NAA50: variants seen among roughly 807,000 people sequenced by gnomAD.
NAA50 encodes N-alpha-acetyltransferase 50.
NAA50 carries 7 observed loss-of-function variants against 20.7 expected under a neutral mutation model. The observed-to-expected ratio is 0.34, with a 90% CI of 0.19 to 0.63. The LOEUF (loss-of-function observed/expected upper bound fraction) is 0.63. Among genes scored for constraint, NAA50 ranks in the 30% least tolerant of loss-of-function variants. The probability of loss-of-function intolerance (pLI) is 0.75; values close to 1 mark genes in which losing one functional copy is unlikely to be tolerated. For synonymous variants in NAA50, 54 were observed against 70.6 expected, an observed-to-expected ratio of 0.77 and a Z score of 1.18; for missense variants, 111 against 199.1, an observed-to-expected ratio of 0.56 and a Z score of 2.66.
At position 113,721,695 on chromosome 3, in the gene NAA50, G is replaced by T; in HGVS notation, c.*65C>A. On this transcript the variant is annotated 3_prime_UTR_variant, in exon 5 of 5. Transcript: ENST00000240922. ...AAAAGAAAAGTGTTGGGGTGGGGGAGGAATCAATGGGCCTCTCTTTTATTT... is the reference window on the plus strand; with the variant it reads ...AAAAGAAAAGTGTTGGGGTGGGGGATGAATCAATGGGCCTCTCTTTTATTT... 6.5e-7 allele frequency: 1 copy of T among 1,539,350 alleles called. No individual in the cohort carries two copies.
chr3:113,745,311 CCA>C (rs2107998441), intron 1 of NAA50, among the ~76,000 whole-genome samples: 1 of 152,246 alleles, frequency 6.6e-6, no homozygotes, highest in South Asian at 2.1e-4. Flanking sequence ...AGCAACAGCT[CCA>C]CCTACTGATC....
chr3:113,745,897 C>G lies in NAA50; in HGVS notation c.8+45G>C, dbSNP rs568019181. On this transcript the variant is annotated intron_variant, in intron 1 of 4. Coordinates refer to ENST00000240922, the MANE Select transcript of NAA50 (RefSeq NM_025146.4). ...TCTCCCCCTCTACATGGGCCCGGAC[C>G]CTTCTACCCCACCGGCCGGGCCCTG... is the stretch of plus-strand genomic sequence containing the variant. 27 of 1,599,050 alleles carry G rather than the reference C, an allele frequency of 1.7e-5. No individual in the cohort carries two copies. The South Asian group carries it at 2.8e-4, about 16-fold the overall frequency.
intron 1 of NAA50, among the ~76,000 whole-genome samples, chr3:113,725,578 C>A (rs1708188913): frequency 1.3e-5 from 2 of 151,928 alleles, no homozygotes; most frequent in African/African-American, 2.4e-5. Context: ...CCAACCTGGG[C>A]ATATAGCAAA....
chr3:113,733,286 T>C (rs1211021707), intron 1 of NAA50, among the ~76,000 whole-genome samples: 1 of 152,142 alleles, frequency 6.6e-6, no homozygotes, highest in Non-Finnish European at 1.5e-5. Context: ...ATGAGAAAAC[T>C]GGGAATTCTT....
At chr3:113,723,703 A>C (rs1708164062) in intron 2 of NAA50, 162 bp from the exon 3 acceptor site, 2 of 914,382 alleles carry the variant, frequency 2.2e-6, no homozygotes, top group Non-Finnish European at 3.1e-6. Flanking sequence ...TAGGAAGTTT[A>C]AGCCTCCTCT....
chr3:113,746,150 G>C lies in NAA50; in HGVS notation c.-201C>G. 2 of 580,626 alleles carry C rather than the reference G, an allele frequency of 3.4e-6. No homozygotes were observed. The highest frequency in any genetic ancestry group is 2.9e-6 in the Non-Finnish European group (1 of 345,470). 36.0% of individuals were successfully genotyped at this position (580,626 alleles called of 1,614,324 possible). On this transcript the variant is annotated 5_prime_UTR_variant, in exon 1 of 5. Transcript: ENST00000240922. ...GGTGGGGGCGGGAGTGTCTCCCGCC[G>C]CCGCGCTTGTGCCGCCGCTTCTCCA...
At chr3:113,722,879 A>G (rs1227497851) in intron 4 of NAA50, 27 bp downstream of exon 4, 1 of 1,500,512 alleles carries the variant, frequency 6.7e-7, no homozygotes, top group Non-Finnish European at 9.0e-7. Flanking sequence ...CCCCTTTGAT[A>G]AGAACATTAA....
intron 1 of NAA50, among the ~76,000 whole-genome samples, chr3:113,733,846 C>G (rs1452182243): frequency 8.6e-5 from 9 of 104,562 alleles, no homozygotes; most frequent in African/African-American, 3.6e-4. Flanking sequence ...GAGCAAGACT[C>G]TGTCTCCAAA....
chr3:113,725,856 T>C (rs543391056), intron 1 of NAA50, among the ~76,000 whole-genome samples: 10 of 152,354 alleles, frequency 6.6e-5, no homozygotes, highest in Admixed American at 5.9e-4. Flanking sequence ...TTTTATCTTA[T>C]AGTACAAAGT....
rs1449483923 is a variant in NAA50, at chr3:113,717,639, G to C, written c.*4121C>G. The C allele has an allele frequency of 7.2e-5, 11 of 152,122 alleles. No individual in the cohort carries two copies. The highest frequency in any genetic ancestry group is 1.3e-4 in the Non-Finnish European group (9 of 68,044). The allele number at this position is 152,122 out of a possible 1,614,324, so 9.4% of individuals were successfully genotyped here. On this transcript the variant is annotated 3_prime_UTR_variant, in exon 5 of 5. Transcript: ENST00000240922. Reference sequence around the variant, plus strand: ...CCTGAAAAACTTCTATAGGCTTACTGTTCCTATTTGTGACTGTAGTATCCA... The same window carrying C: ...CCTGAAAAACTTCTATAGGCTTACTCTTCCTATTTGTGACTGTAGTATCCA...
chr3:113,744,080 T>A (rs1358928595), intron 1 of NAA50, among the ~76,000 whole-genome samples: 3 of 152,164 alleles, frequency 2.0e-5, no homozygotes, highest in Non-Finnish European at 4.4e-5. Context: ...TCAGCCTCAT[T>A]TTTCTTACTT....
intron 1 of NAA50, among the ~76,000 whole-genome samples, chr3:113,743,553 T>G (rs1218934302): frequency 6.6e-6 from 1 of 152,216 alleles, no homozygotes; most frequent in Non-Finnish European, 1.5e-5. Context: ...ACAAGTAAGA[T>G]TCACACAACT....
chr3:113,729,913 AC>A (rs1476077443), intron 1 of NAA50, among the ~76,000 whole-genome samples: 2 of 151,806 alleles, frequency 1.3e-5, no homozygotes, highest in East Asian at 3.9e-4. Context: ...TTTTCTTTTT[AC>A]TTTTCCTTGT....
intron 1 of NAA50, among the ~76,000 whole-genome samples, chr3:113,735,618 T>C (rs1239084172): frequency 6.6e-6 from 1 of 152,228 alleles, no homozygotes; most frequent in African/African-American, 2.4e-5. Context: ...ACTCTGTATA[T>C]AAGACACAAA....
chr3:113,723,921 A>G, intron 2 of NAA50, 38 bp downstream of exon 2: 2 of 1,513,164 alleles, frequency 1.3e-6, no homozygotes, highest in Non-Finnish European at 1.8e-6. Context: ...ACAAAAAGAA[A>G]GAAAAGAAGG....
intron 1 of NAA50, among the ~76,000 whole-genome samples, chr3:113,728,781 T>C (rs1708232629): frequency 6.6e-6 from 1 of 152,202 alleles, no homozygotes; most frequent in Admixed American, 6.5e-5. Context: ...GAACTCTACA[T>C]TCCTAGATCC....
chr3:113,716,836 A>G lies in NAA50; in HGVS notation c.*4924T>C, dbSNP rs960379381. 3.3e-5 allele frequency: 5 copies of G among 152,220 alleles called. No individual in the cohort carries two copies. The highest frequency in any genetic ancestry group is 1.2e-4 in the African/African-American group (5 of 41,458). The allele number at this position is 152,220 out of a possible 1,614,324, so 9.4% of individuals were successfully genotyped here. On this transcript the variant is annotated 3_prime_UTR_variant, in exon 5 of 5. Transcript: ENST00000240922. ...CCAAAATAGTTCAGCCAATAGAGTA[A>G]CTTCCCAAATGCTGGATTTAAGCTT...
At chr3:113,730,443 C>T (rs1229403882) in intron 1 of NAA50, among the ~76,000 whole-genome samples, 4 of 143,948 alleles carry the variant, frequency 2.8e-5, no homozygotes, top group South Asian at 2.2e-4. Flanking sequence ...CCTTGGCTTT[C>T]GGAAAAAAAA....
intron 1 of NAA50, among the ~76,000 whole-genome samples, chr3:113,744,291 C>G (rs1242924738): frequency 1.3e-5 from 2 of 151,918 alleles, no homozygotes; most frequent in African/African-American, 4.8e-5. Context: ...GTCAGACCCC[C>G]GTCTCTACAA....
Sources: allele counts gnomAD v4.1 joint callset (sites outside exome capture counted in the v4.1 genomes callset), GRCh38; gene constraint gnomAD v4.1.1; transcripts MANE v1.5; gene names NCBI Gene and HGNC (gene_info 2026-07-23, HGNC 2026-07-21).